Variants in RABGAP1L observed in about 807,000 individuals in gnomAD.
RABGAP1L encodes the protein rab GTPase-activating protein 1-like.
A neutral mutation model predicts 137.7 loss-of-function variants in RABGAP1L; 63 were observed. The observed-to-expected ratio is 0.46, with a 90% CI of 0.37 to 0.56. RABGAP1L has a LOEUF of 0.56. RABGAP1L is among the 20% of genes least tolerant of loss of function. The probability of loss-of-function intolerance (pLI) is 0.00; values close to 1 mark genes in which losing one functional copy is unlikely to be tolerated. For synonymous variants in RABGAP1L, 431 were observed against 433.7 expected, an observed-to-expected ratio of 0.99 and a Z score of 0.08; for missense variants, 1,095 against 1,244.0, an observed-to-expected ratio of 0.88 and a Z score of 1.80.
At chr1:174,985,429 AT>A in intron 24 of RABGAP1L, among the ~76,000 whole-genome samples, 1 of 152,166 alleles carries the variant, frequency 6.6e-6, no homozygotes, top group Non-Finnish European at 1.5e-5. Context: ...CTTCTTTTTT[AT>A]TGATGATAAG....
At chr1:174,452,752 G>A (rs1377218747) in intron 13 of RABGAP1L, among the ~76,000 whole-genome samples, 1 of 151,964 alleles carries the variant, frequency 6.6e-6, no homozygotes, top group Admixed American at 6.6e-5. Flanking sequence ...TAGTAGAGCC[G>A]GGGTTTCGCG....
intron 11 of RABGAP1L, among the ~76,000 whole-genome samples, chr1:174,326,469 A>G (rs2148844990): frequency 6.6e-6 from 1 of 152,302 alleles, no homozygotes; most frequent in South Asian, 2.1e-4. Flanking sequence ...ACGAAAAATC[A>G]GCTCGAAGAC....
intron 19 of RABGAP1L, among the ~76,000 whole-genome samples, chr1:174,812,713 A>G (rs1257597074): frequency 6.6e-6 from 1 of 152,220 alleles, no homozygotes; most frequent in Non-Finnish European, 1.5e-5. Context: ...TTAACATGTT[A>G]GAAAGTGATA....
In RABGAP1L at chr1:174,464,973, C is replaced by T. The variant is rs763936032; in HGVS notation, c.1710+70828C>T. ...ATAAAGTTCTGTGACTTAGAAAATA[C>T]TTCCTAATTAATGAGCCCCAAAATC... On this transcript the variant is annotated intron_variant, in intron 13 of 25. Transcript: ENST00000681986. Among the ~76,000 whole-genome samples the T allele has an allele frequency of 8.0e-4, 122 of 152,120 alleles. 2 individuals carry two copies. The highest frequency in any genetic ancestry group is 1.9e-4 in the Non-Finnish European group (13 of 68,006).
intron 13 of RABGAP1L, among the ~76,000 whole-genome samples, chr1:174,613,013 A>G (rs970311971): frequency 5.3e-5 from 8 of 151,490 alleles, no homozygotes; most frequent in South Asian, 2.1e-4. Context: ...ACCAGGTCCT[A>G]GATTCATTAA....
chr1:174,932,927 A>C, intron 19 of RABGAP1L, among the ~76,000 whole-genome samples: 1 of 152,160 alleles, frequency 6.6e-6, no homozygotes, highest in East Asian at 1.9e-4. Context: ...CCCTAGAATC[A>C]GGTATTTCTC....
In RABGAP1L at chr1:174,344,219, G is replaced by C. The variant is rs192226258; in HGVS notation, c.1466-26760G>C. 1.1e-3 allele frequency among the ~76,000 whole-genome samples: 175 copies of C among 152,212 alleles called. 1 individual carries two copies. Among genetic ancestry groups the C allele is most frequent in the African/African-American group, 4.1e-3 (171 of 41,538 alleles). ...CATATAGTACTTGAAACTTATTTTC[G>C]TGGTGATCTCTGGAGAATGCTCTCT... On this transcript the variant is annotated intron_variant, in intron 11 of 25. Transcript: ENST00000681986.
rs145269055 is a variant in RABGAP1L at position 174,637,013 on chromosome 1, A to C, written c.1711-362A>C. Among the ~76,000 whole-genome samples the C allele has an allele frequency of 7.2e-4, 109 of 152,336 alleles. 1 individual carries two copies. The highest frequency in any genetic ancestry group is 2.4e-3 in the African/African-American group (101 of 41,580). Reference sequence around the variant, plus strand: ...TAAAAAGTAACCACTCCTACAGAGAATAAACTATATGTACATGTCTTGATA... The same window carrying C: ...TAAAAAGTAACCACTCCTACAGAGACTAAACTATATGTACATGTCTTGATA... On this transcript the variant is annotated intron_variant, in intron 13 of 25. Transcript: ENST00000681986.
Position 174,948,441 on chromosome 1 carries a change from C to G in RABGAP1L, c.2341-9016C>G, listed in dbSNP as rs570213496. ...CTAAGAGGTGGGACTATCACTTGAG[C>G]CCAGGAGGTCGAGGCTACAGTGAGC... is the stretch of plus-strand genomic sequence containing the variant. On this transcript the variant is annotated intron_variant, in intron 19 of 25. Coordinates refer to ENST00000681986, the MANE Select transcript of RABGAP1L (RefSeq NM_001366446.1). 2.0e-5 allele frequency among the ~76,000 whole-genome samples: 3 copies of G among 147,794 alleles called. 1 individual carries two copies. In the South Asian group the frequency reaches 6.4e-4, roughly 31 times the overall value.
intron 19 of RABGAP1L, among the ~76,000 whole-genome samples, chr1:174,891,537 CTG>C (rs757756533): frequency 6.1e-4 from 93 of 152,264 alleles, no homozygotes; most frequent in Non-Finnish European, 1.1e-3. Flanking sequence ...GGGTCTTACT[CTG>C]TTGCCCAGGC....
chr1:174,231,607 C>T (rs1248202923), intron 4 of RABGAP1L, among the ~76,000 whole-genome samples: 1 of 152,112 alleles, frequency 6.6e-6, no homozygotes, highest in Non-Finnish European at 1.5e-5. Flanking sequence ...TTAACTGGCT[C>T]TTGGTTCTGC....
chr1:174,234,495 T>G (rs1259899469), intron 4 of RABGAP1L, among the ~76,000 whole-genome samples: 1 of 146,662 alleles, frequency 6.8e-6, no homozygotes, highest in Non-Finnish European at 1.5e-5. Flanking sequence ...GGCTATCCAG[T>G]TTTCCCAGCA....
chr1:174,558,248 G>T (rs114332089), intron 13 of RABGAP1L, among the ~76,000 whole-genome samples: 2 of 152,128 alleles, frequency 1.3e-5, no homozygotes, highest in African/African-American at 4.8e-5. Flanking sequence ...CATTCAAAAG[G>T]TCCAGCCTGG....
intron 17 of RABGAP1L, among the ~76,000 whole-genome samples, chr1:174,712,111 C>T (rs889664835): frequency 3.9e-5 from 6 of 152,190 alleles, no homozygotes; most frequent in South Asian, 2.1e-4. Flanking sequence ...ACGGACCAAT[C>T]GGCTCTCTGT....
At chr1:174,355,566 A>T (rs1336945197) in intron 11 of RABGAP1L, among the ~76,000 whole-genome samples, 2 of 152,000 alleles carry the variant, frequency 1.3e-5, no homozygotes, top group African/African-American at 4.8e-5. Flanking sequence ...ATACATATGT[A>T]ACTAACCTGC....
chr1:174,352,551 C>G (rs1384349450), intron 11 of RABGAP1L, among the ~76,000 whole-genome samples: 1 of 152,144 alleles, frequency 6.6e-6, no homozygotes, highest in Admixed American at 6.5e-5. Flanking sequence ...TCACATATCT[C>G]TGTTACTTTT....
chr1:174,811,815 T>G lies in RABGAP1L; in HGVS notation c.2212-17T>G, dbSNP rs754801008. 3 of 1,532,122 alleles carry G rather than the reference T, an allele frequency of 2.0e-6. No homozygotes were observed. Among genetic ancestry groups the G allele is most frequent in the Non-Finnish European group, 2.6e-6 (3 of 1,142,344 alleles). The allele number at this position is 1,532,122 out of a possible 1,614,324, so 94.9% of individuals were successfully genotyped here. A position where few individuals can be genotyped will look rare whatever the true frequency, so the allele number is the denominator to read the frequency against. ...CAGGCTGAAATGTAATGACGATTCT[T>G]GATGATTATTTTGCAGACCTCAAAG... On this transcript the variant is annotated splice_polypyrimidine_tract_variant and intron_variant, in intron 18 of 25. Coordinates refer to ENST00000681986, the MANE Select transcript of RABGAP1L (RefSeq NM_001366446.1).
intron 13 of RABGAP1L, among the ~76,000 whole-genome samples, chr1:174,510,716 C>G (rs1662252737): frequency 6.6e-6 from 1 of 152,060 alleles, no homozygotes; most frequent in South Asian, 2.1e-4. Context: ...TCCCACAACC[C>G]AAACATGTAC....
chr1:174,631,837 C>T (rs1489190322), intron 13 of RABGAP1L, among the ~76,000 whole-genome samples: 1 of 151,062 alleles, frequency 6.6e-6, no homozygotes, highest in Non-Finnish European at 1.5e-5. Context: ...TGGGTCCTGA[C>T]TCTTTATCCA....
Sources: gnomAD v4.1 joint callset for allele counts (sites outside exome capture counted in the v4.1 genomes callset) on GRCh38, gnomAD v4.1.1 for gene constraint, MANE v1.5 for transcripts, NCBI Gene and HGNC (gene_info 2026-07-23, HGNC 2026-07-21) for gene names.